KIF1A: variants seen among roughly 807,000 people sequenced by gnomAD.
KIF1A encodes kinesin-like protein KIF1A.
KIF1A carries 46 observed loss-of-function variants against 227.3 expected under a neutral mutation model. The observed-to-expected ratio is 0.20, with a 90% CI of 0.16 to 0.26. The LOEUF is 0.26. Among genes scored for constraint, KIF1A ranks in the 10% least tolerant of loss-of-function variants. The pLI, the probability that KIF1A is intolerant of heterozygous loss-of-function variation, is 1.00. For missense variants in KIF1A, 1,683 were observed against 2,485.9 expected (o/e 0.68, Z 6.87); for synonymous variants, 1,022 against 1,012.8 (o/e 1.01, Z -0.17).
Position 240,746,126 on chromosome 2 carries a change from G to T in KIF1A, c.3115C>A (p.Gln1039Lys). 6.3e-7 allele frequency: 1 copy of T among 1,575,976 alleles called. No homozygotes were observed. Among genetic ancestry groups the T allele is most frequent in the East Asian group, 2.3e-5 (1 of 42,690 alleles). ...VVGMSRSGTS[Q>K]EELRIVEGQG... is the part of the protein sequence containing the mutation. ...CCCTCCACGATGCGAAGCTCTTCCT[G>T]GGAGGTTCCCGAGCGGGACATCCCC... The change falls in exon 30 of 49, where the codon CAG (glutamine) becomes AAG (lysine). Residue 1039 changes from glutamine to lysine, a missense_variant. By Grantham distance (53) the Gln-to-Lys change is moderately conservative. Coordinates refer to ENST00000498729, the MANE Select transcript of KIF1A (RefSeq NM_001244008.2).
chr2:240,805,523 T>C (rs2057343190), intron 1 of KIF1A, among the ~76,000 whole-genome samples: 1 of 152,166 alleles, frequency 6.6e-6, no homozygotes, highest in South Asian at 2.1e-4. Context: ...TCAAGTAATA[T>C]GGAGGAATTC....
At chr2:240,727,545 C>T (rs1279956268) in intron 38 of KIF1A, among the ~76,000 whole-genome samples, 5 of 152,202 alleles carry the variant, frequency 3.3e-5, no homozygotes, top group African/African-American at 4.8e-5. Context: ...GAGGAAGGCC[C>T]CGGGGGGAGG....
chr2:240,780,699 G>C lies in KIF1A; in HGVS notation c.882+1891C>G, dbSNP rs111409091. Reference sequence around the variant, plus strand: ...GGTTCCTGAGGCATTTATTCCTCTGGTCCTCACACAGGTTCTTCCGGCTTC... The same window carrying C: ...GGTTCCTGAGGCATTTATTCCTCTGCTCCTCACACAGGTTCTTCCGGCTTC... On this transcript the variant is annotated intron_variant, in intron 10 of 48. Coordinates refer to ENST00000498729, the MANE Select transcript of KIF1A (RefSeq NM_001244008.2). 4.5e-3 allele frequency among the ~76,000 whole-genome samples: 673 copies of C among 151,068 alleles called. 3 individuals carry two copies. The highest frequency in any genetic ancestry group is 7.7e-3 in the Non-Finnish European group (520 of 67,864).
chr2:240,768,566 T>G (rs756179498), intron 17 of KIF1A, among the ~76,000 whole-genome samples: 3 of 152,016 alleles, frequency 2.0e-5, no homozygotes, highest in Non-Finnish European at 4.4e-5. Context: ...ATGCCCCACC[T>G]GGGCTGCTGT....
intron 41 of KIF1A, among the ~76,000 whole-genome samples, 187 bp from the exon 42 acceptor site, chr2:240,723,745 G>A (rs964954261): frequency 2.6e-5 from 4 of 152,146 alleles, no homozygotes; most frequent in South Asian, 2.1e-4. Context: ...TATCCAGCCC[G>A]GCGTCCCATG....
At chr2:240,770,828 C>T (rs2051860902) in intron 15 of KIF1A, 143 bp downstream of exon 15, 1 of 1,037,788 alleles carries the variant, frequency 9.6e-7, no homozygotes, top group Non-Finnish European at 1.4e-6. Flanking sequence ...ACCTGGGTGG[C>T]CACACGCCAG....
chr2:240,769,201 G>A lies in KIF1A; in HGVS notation c.1429C>T (p.Leu477=), dbSNP rs1186718688. 6.2e-7 allele frequency: 1 copy of A among 1,608,622 alleles called. No individual in the cohort carries two copies. Among genetic ancestry groups the A allele is most frequent in the South Asian group, 1.1e-5 (1 of 89,910 alleles). ...TEAIRMEREA[L]LAEMGVAMRE... ...ATGGCCACACCCATCTCGGCCAGCAGGGCTTCCCTGGGGGAACAGAGCTGA... is the reference window on the plus strand; with the variant it reads ...ATGGCCACACCCATCTCGGCCAGCAAGGCTTCCCTGGGGGAACAGAGCTGA... Residue 477 remains leucine, a synonymous_variant, in exon 17 of 49, where the codon CTG becomes TTG. Transcript: ENST00000498729.
rs2055295601 is a variant in KIF1A at position 240,788,968 on chromosome 2, T to A, written c.183+268A>T. On this transcript the variant is annotated intron_variant, in intron 3 of 48. Transcript: ENST00000498729. The surrounding 1 kb of genome is among the most constrained non-coding windows in gnomAD (Gnocchi z 6.6). ...AGCTTTGGGCATTCTGACTTTGGGA[T>A]GTCTGGGGGAAAAGTCACCAGCAGA... Among the ~76,000 whole-genome samples the A allele has an allele frequency of 6.6e-6, 1 of 152,062 alleles. No homozygotes were observed. Among genetic ancestry groups the A allele is most frequent in the Non-Finnish European group, 1.5e-5 (1 of 67,988 alleles).
rs954104790 is a variant in KIF1A at position 240,775,133 on chromosome 2, C to T, written c.958+718G>A. Among the ~76,000 whole-genome samples the T allele has an allele frequency of 2.6e-5, 4 of 152,232 alleles. No homozygotes were observed. Among genetic ancestry groups the T allele is most frequent in the African/African-American group, 7.2e-5 (3 of 41,468 alleles). On this transcript the variant is annotated intron_variant, in intron 11 of 48. Transcript: ENST00000498729. This position sits in a 1 kb window ranked among gnomAD's most constrained non-coding sequence, Gnocchi z 5.5. The stretch of plus-strand genomic sequence containing the variant: ...CCTCTCTCAGCGGGGCCCATCCATC[C>T]GCAGGCCTGCTGCGGTCTGCAATAC...
Position 240,747,250 on chromosome 2 carries a change from G to C in KIF1A, c.3049C>G (p.Gln1017Glu). Residue 1017 changes from glutamine to glutamate, a missense_variant, in exon 29 of 49, where the codon CAG becomes GAG. Coordinates refer to ENST00000498729, the MANE Select transcript of KIF1A (RefSeq NM_001244008.2). ...GAGCTTGGTACCTTTTCAAAATGCT[G>C]GTCATCAAAGGAGATTTTAGCAGTT... ...SGTAKISFDD[Q>E]HFEKFQSESC... 6.2e-7 allele frequency: 1 copy of C among 1,613,166 alleles called. No individual in the cohort carries two copies. Among genetic ancestry groups the C allele is most frequent in the South Asian group, 1.1e-5 (1 of 91,042 alleles).
At chr2:240,787,984 A>G in intron 4 of KIF1A, 67 bp downstream of exon 4, 1 of 1,450,206 alleles carries the variant, frequency 6.9e-7, no homozygotes, top group Non-Finnish European at 9.4e-7. Flanking sequence ...CCTGGCCCGG[A>G]GCTCTCAGCC....
In KIF1A at chr2:240,726,491, A is replaced by G. The variant is rs974497349; in HGVS notation, c.4122+335T>C. Among the ~76,000 whole-genome samples the G allele has an allele frequency of 6.6e-6, 1 of 152,140 alleles. No homozygotes were observed. The highest frequency in any genetic ancestry group is 1.5e-5 in the Non-Finnish European group (1 of 68,016). On this transcript the variant is annotated intron_variant, in intron 39 of 48. Transcript: ENST00000498729. This position sits in a 1 kb window ranked among gnomAD's most constrained non-coding sequence, Gnocchi z 5.2. ...CCGGGCGTGGTGGCAGGCACCTGTA[A>G]TCCCAGCTACTTGGGAGGCTGAGGC...
At chr2:240,720,516 C>T (rs2045212827) in intron 45 of KIF1A, 1 of 170,098 alleles carries the variant, frequency 5.9e-6, no homozygotes, top group African/African-American at 2.4e-5. Flanking sequence ...AAGGGGTTCA[C>T]ACGAGGTCTC....
Position 240,719,174 on chromosome 2 carries a change from G to A in KIF1A, c.5046C>T (p.Tyr1682=), listed in dbSNP as rs763144444. Residue 1682 remains tyrosine (Y), a synonymous_variant, in exon 47 of 49, where the codon TAC becomes TAT. Transcript: ENST00000498729. ...RVSPIVSKKG[Y]LHFLEPHTSG... is the part of the protein sequence containing the mutation. ...ACGTGTGCGGCTCCAGGAAGTGCAG[G>A]TACCCCTTCTTGGAAACGATCGGGC... 26 of 1,607,282 alleles carry A rather than the reference G, an allele frequency of 1.6e-5. No homozygotes were observed. Among genetic ancestry groups the A allele is most frequent in the Non-Finnish European group, 2.1e-5 (25 of 1,176,926 alleles).
chr2:240,748,708 A>G, intron 28 of KIF1A: 1 of 303,720 alleles, frequency 3.3e-6, no homozygotes, highest in Non-Finnish European at 7.0e-6. Flanking sequence ...GTTCACCCTC[A>G]CTCCCCAGCT....
intron 27 of KIF1A, among the ~76,000 whole-genome samples, chr2:240,756,266 C>CA (rs1687452589): frequency 6.6e-6 from 1 of 151,784 alleles, no homozygotes; most frequent in African/African-American, 2.4e-5. Flanking sequence ...TCTTAATCGC[C>CA]AAAAAAAGGT....
Position 240,716,254 on chromosome 2 carries a change from A to G in KIF1A, c.*1110T>C, listed in dbSNP as rs1196306496. On this transcript the variant is annotated 3_prime_UTR_variant, in exon 49 of 49. Transcript: ENST00000498729. ...AACTCTCTGCCCTGGGAACAAAGAG[A>G]GGAAAGTCTTTGCAAGAAACCTGCT... The G allele has an allele frequency of 6.6e-6, 1 of 152,174 alleles. No homozygotes were observed. The highest frequency in any genetic ancestry group is 6.5e-5 in the Admixed American group (1 of 15,278). The allele number at this position is 152,174 out of a possible 1,614,324, so 9.4% of individuals were successfully genotyped here.
chr2:240,784,901 G>A, intron 7 of KIF1A, 88 bp downstream of exon 7: 4 of 1,053,668 alleles, frequency 3.8e-6, no homozygotes, highest in Non-Finnish European at 5.9e-6. Context: ...GCCTGTCCTT[G>A]TGCTGCCCCC....
intron 34 of KIF1A, among the ~76,000 whole-genome samples, chr2:240,741,822 G>A (rs913991729): frequency 1.3e-5 from 2 of 152,180 alleles, no homozygotes; most frequent in African/African-American, 4.8e-5. Flanking sequence ...CCAGCACCCA[G>A]GCCTGGCCCG....
Sources: allele counts gnomAD v4.1 joint callset (sites outside exome capture counted in the v4.1 genomes callset), GRCh38; gene constraint gnomAD v4.1.1; non-coding constraint Gnocchi (gnomAD v3.1); transcripts MANE v1.5; gene names NCBI Gene and HGNC (gene_info 2026-07-23, HGNC 2026-07-21).